The following SERPINB9 variants were observed in gnomAD, a reference collection of about 807,000 sequenced individuals.
SERPINB9 encodes serpin family B member 9.
In SERPINB9, 20 loss-of-function variants were observed where a neutral mutation model predicts 27.2. The ratio of observed to expected loss-of-function variants is 0.74; its 90% confidence interval spans 0.52 to 1.07. The LOEUF (loss-of-function observed/expected upper bound fraction) is 1.07. Ranked by LOEUF, SERPINB9 falls within the 50% of genes least tolerant of loss-of-function variation. The pLI is 0.00. For missense variants in SERPINB9, 476 were observed against 460.1 expected, an observed-to-expected ratio of 1.03 and a Z score of -0.32; for synonymous variants, 189 against 180.0, an observed-to-expected ratio of 1.05 and a Z score of -0.40.
chr6:2,895,485 T>A lies in SERPINB9; in HGVS notation c.330A>T (p.Gln110His), dbSNP rs1236015556. ...FLSTFKESCLQFYHAELKELS... is the reference protein window; with the variant it reads ...FLSTFKESCLHFYHAELKELS... ...GCTCCTTCAGCTCAGCATGGTAGAA[T>A]TGAAGACAGGATTCCTTAAACGTCT... Residue 110 changes from glutamine to histidine, a missense_variant, in exon 4 of 7, where the codon CAA becomes CAT. Physicochemically the swap from Gln to His is conservative, Grantham distance 24. Transcript: ENST00000380698. The A allele has an allele frequency of 1.9e-6, 3 of 1,613,450 alleles. No homozygotes were observed. The African/African-American group carries it at 4.0e-5, about 22-fold the overall frequency.
chr6:2,896,211 A>T, intron 2 of SERPINB9, 21 bp from the exon 3 acceptor site: 1 of 1,610,354 alleles, frequency 6.2e-7, no homozygotes, highest in Non-Finnish European at 8.5e-7. Context: ...AGATAATTTT[A>T]AAAGTTATCA....
chr6:2,898,493 T>C (rs1354851896), intron 2 of SERPINB9, among the ~76,000 whole-genome samples: 1 of 152,180 alleles, frequency 6.6e-6, no homozygotes, highest in African/African-American at 2.4e-5. Context: ...AGATACCATA[T>C]AATCACCAAA....
In SERPINB9 at chr6:2,897,509, CAT is replaced by C. The variant is rs774983405; in HGVS notation, c.169-1321_169-1320del. Among the ~76,000 whole-genome samples the C allele has an allele frequency of 2.3e-4, 35 of 152,064 alleles. 1 individual carries two copies. Among genetic ancestry groups the C allele is most frequent in the Non-Finnish European group, 4.4e-4 (30 of 68,018 alleles). On this transcript the variant is annotated intron_variant, in intron 2 of 6. Transcript: ENST00000380698. ...CAAATTCTTCTAAATAAGTATATGA[CAT>C]ATGATTTAGAAAATAATCAAAATAT... is the stretch of plus-strand genomic sequence containing the variant.
chr6:2,894,888 G>A lies in SERPINB9; in HGVS notation c.424+503C>T, dbSNP rs1215975699. Among the ~76,000 whole-genome samples, 1 of 151,428 alleles carries A rather than the reference G, an allele frequency of 6.6e-6. No individual in the cohort carries two copies. Among genetic ancestry groups the A allele is most frequent in the East Asian group, 1.9e-4 (1 of 5,164 alleles). On this transcript the variant is annotated intron_variant, in intron 4 of 6. Coordinates refer to ENST00000380698, the MANE Select transcript of SERPINB9 (RefSeq NM_004155.6). The surrounding 1 kb of genome is among the most constrained non-coding windows in gnomAD (Gnocchi z 4.7). ...GCCTCCCAAGCAGCTGGGATTACAG[G>A]CATGGGCCACCACACCTGGCTAATT...
At position 2,898,567 on chromosome 6, in the gene SERPINB9, C is replaced by T. The variant is rs557197066; in HGVS notation, c.168+1877G>A. Among the ~76,000 whole-genome samples, 7 of 152,342 alleles carry T rather than the reference C, an allele frequency of 4.6e-5. No homozygotes were observed. In the East Asian group the frequency reaches 1.2e-3, roughly 25 times the overall value. ...GCGCAGTGGCTCACGCCTGTAATCC[C>T]AGCACTTTGGGAGGCCAAGGCGGGT... On this transcript the variant is annotated intron_variant, in intron 2 of 6. Transcript: ENST00000380698.
intron 3 of SERPINB9, 107 bp from the exon 4 acceptor site, chr6:2,895,615 T>A (rs995486053): frequency 1.4e-6 from 1 of 727,406 alleles, no homozygotes; most frequent in African/African-American, 1.8e-5. Flanking sequence ...AGAATATACA[T>A]AACTCTTTAA....
chr6:2,900,582 A>G lies in SERPINB9; in HGVS notation c.30T>C (p.Thr10=). ...GTATCTTTAAAAGGCGTATGGCAAA[A>G]GTACCACTTGCATTAGAAAGAGTTT... The part of the protein sequence containing the change: METLSNASG[T]FAIRLLKILC... The change falls in exon 2 of 7, where the codon ACT becomes ACC. Residue 10 remains threonine (T), a synonymous_variant. Coordinates refer to ENST00000380698, the MANE Select transcript of SERPINB9 (RefSeq NM_004155.6). 1 of 1,614,186 alleles carries G rather than the reference A, an allele frequency of 6.2e-7. No homozygotes were observed. Among genetic ancestry groups the G allele is most frequent in the African/African-American group, 1.3e-5 (1 of 75,040 alleles).
chr6:2,900,531 G>A lies in SERPINB9; in HGVS notation c.81C>T (p.Asn27=), dbSNP rs374613334. The A allele has an allele frequency of 1.1e-5, 18 of 1,614,014 alleles. No homozygotes were observed. The highest frequency in any genetic ancestry group is 2.2e-5 in the East Asian group (1 of 44,890). The change falls in exon 2 of 7, where the codon AAC becomes AAT. Residue 27 remains asparagine (N), a synonymous_variant. Transcript: ENST00000380698. The part of the protein sequence containing the change: ...KILCQDNPSH[N]VFCSPVSISS... ...AGATGCTCACAGGAGAACAGAACAC[G>A]TTGTGCGAAGGGTTATCTTGACACA...
intron 5 of SERPINB9, among the ~76,000 whole-genome samples, chr6:2,893,108 C>A (rs1180262397): frequency 1.1e-5 from 1 of 92,946 alleles, no homozygotes; most frequent in Non-Finnish European, 2.1e-5. Context: ...ATAGGAAGAT[C>A]TTTAGTTTCC....
At chr6:2,901,578 G>A (rs185084912) in intron 1 of SERPINB9, among the ~76,000 whole-genome samples, 7 of 152,306 alleles carry the variant, frequency 4.6e-5, no homozygotes, top group South Asian at 2.1e-4. Flanking sequence ...AAGTGTGAAT[G>A]TGAGGGGGTG....
Position 2,895,499 on chromosome 6 carries a change from C to G in SERPINB9, c.316G>C (p.Glu106Gln). The change falls in exon 4 of 7, where the codon GAA (glutamate) becomes CAA (glutamine). Residue 106 changes from glutamate to glutamine, a missense_variant. Glu to Gln is a conservative substitution (Grantham distance 29). Transcript: ENST00000380698. ...GCATGGTAGAATTGAAGACAGGATT[C>G]CTTAAACGTCTTTGGAGAGAAAAAT... ...KTCQFLSTFK[E>Q]SCLQFYHAEL... The G allele has an allele frequency of 1.9e-6, 3 of 1,611,164 alleles. No homozygotes were observed. Among genetic ancestry groups the G allele is most frequent in the Non-Finnish European group, 2.5e-6 (3 of 1,178,160 alleles).
chr6:2,890,480 AT>A lies in SERPINB9; in HGVS notation c.813del (p.Lys271AsnfsTer52). On this transcript the variant is annotated frameshift_variant, in exon 7 of 7. Coordinates refer to ENST00000380698, the MANE Select transcript of SERPINB9 (RefSeq NM_004155.6). LOFTEE classifies it low-confidence loss of function (END_TRUNC). The surrounding 1 kb of genome is among the most constrained non-coding windows in gnomAD (Gnocchi z 6.2). ...KSTEVEVLLP[K>X]FKLQEDYDME... ...ATGTCATAATCCTCTTGTAGTTTAA[AT>A]TTTGGAAGGAGAACTTCAACCTCAG... 6.2e-7 allele frequency: 1 copy of A among 1,614,170 alleles called. No homozygotes were observed. The highest frequency in any genetic ancestry group is 8.5e-7 in the Non-Finnish European group (1 of 1,180,026).
At chr6:2,897,137 A>C (rs1768028343) in intron 2 of SERPINB9, among the ~76,000 whole-genome samples, 1 of 150,908 alleles carries the variant, frequency 6.6e-6, no homozygotes, top group Non-Finnish European at 1.5e-5. Flanking sequence ...AAAAAAAAAA[A>C]AACACAAAAA....
rs761869912 is a variant in SERPINB9, at chr6:2,890,278, G to C, written c.1016C>G (p.Ala339Gly). 2 of 1,614,204 alleles carry C rather than the reference G, an allele frequency of 1.2e-6. No individual in the cohort carries two copies. Among genetic ancestry groups the C allele is most frequent in the Non-Finnish European group, 1.7e-6 (2 of 1,180,028 alleles). The change falls in exon 7 of 7, where the codon GCA becomes GGA. Residue 339 changes from alanine (A) to glycine (G), a missense_variant. By Grantham distance (60) the Ala-to-Gly change is moderately conservative. Coordinates refer to ENST00000380698, the MANE Select transcript of SERPINB9 (RefSeq NM_004155.6). This position sits in a 1 kb window ranked among gnomAD's most constrained non-coding sequence, Gnocchi z 6.2. ...GGGGCCAGATTCCATGCAGCACTCT[G>C]CAACTACAAAGCAGCTCGACGCTGC... ...AAAASSCFVV[A>G]ECCMESGPRF... is the part of the protein sequence containing the mutation.
In SERPINB9 at chr6:2,891,118, A is replaced by C. The variant is rs1767786920; in HGVS notation, c.724-548T>G. Reference sequence around the variant, plus strand: ...GAGGGAGAGCCAATGGCTGCTGCGCACACAGACCTCTTAAGTCATGGGGTC... The same window carrying C: ...GAGGGAGAGCCAATGGCTGCTGCGCCCACAGACCTCTTAAGTCATGGGGTC... On this transcript the variant is annotated intron_variant, in intron 6 of 6. Coordinates refer to ENST00000380698, the MANE Select transcript of SERPINB9 (RefSeq NM_004155.6). This position sits in a 1 kb window ranked among gnomAD's most constrained non-coding sequence, Gnocchi z 4.0. Among the ~76,000 whole-genome samples the C allele has an allele frequency of 1.3e-5, 2 of 152,296 alleles. No homozygotes were observed. The highest frequency in any genetic ancestry group is 1.3e-4 in the Admixed American group (2 of 15,296).
rs1286963802 is a variant in SERPINB9, at chr6:2,903,059, C to G, written c.-11+142G>C. On this transcript the variant is annotated intron_variant, in intron 1 of 6. Transcript: ENST00000380698. This position sits in a 1 kb window ranked among gnomAD's most constrained non-coding sequence, Gnocchi z 5.2. ...CACCCCCCAGAGACCGTTGCTGACC[C>G]CACCGAGAAGGCACCGCCTCCCCGG... is the stretch of plus-strand genomic sequence containing the variant. 2.0e-5 allele frequency: 3 copies of G among 152,358 alleles called. No homozygotes were observed. Among genetic ancestry groups the G allele is most frequent in the Non-Finnish European group, 2.9e-5 (2 of 68,180 alleles). The allele number at this position is 152,358 out of a possible 1,614,324, so 9.4% of individuals were successfully genotyped here. A position where few individuals can be genotyped will look rare whatever the true frequency, so the allele number is the denominator to read the frequency against.
At chr6:2,900,022 C>T in intron 2 of SERPINB9, 1 of 440,544 alleles carries the variant, frequency 2.3e-6, no homozygotes, top group Non-Finnish European at 4.5e-6. Context: ...TTGATGCCCT[C>T]CCTGAGCTGT....
Position 2,891,610 on chromosome 6 carries a change from T to C in SERPINB9, c.723+223A>G, listed in dbSNP as rs1253595889. Among the ~76,000 whole-genome samples the C allele has an allele frequency of 6.6e-6, 1 of 152,166 alleles. No homozygotes were observed. The highest frequency in any genetic ancestry group is 1.5e-5 in the Non-Finnish European group (1 of 68,026). On this transcript the variant is annotated intron_variant, in intron 6 of 6. Coordinates refer to ENST00000380698, the MANE Select transcript of SERPINB9 (RefSeq NM_004155.6). This position sits in a 1 kb window ranked among gnomAD's most constrained non-coding sequence, Gnocchi z 4.0. ...CATTTTAACCGCCGCCCACTCCTTCTAGCGATGAAAAAACAGAGGACTGAG... is the reference window on the plus strand; with the variant it reads ...CATTTTAACCGCCGCCCACTCCTTCCAGCGATGAAAAAACAGAGGACTGAG...
chr6:2,889,794 C>T lies in SERPINB9; in HGVS notation c.*369G>A, dbSNP rs574331125. 2 of 184,316 alleles carry T rather than the reference C, an allele frequency of 1.1e-5. No homozygotes were observed. Among genetic ancestry groups the T allele is most frequent in the Non-Finnish European group, 2.3e-5 (2 of 88,122 alleles). The allele number at this position is 184,316 out of a possible 1,614,324, so 11.4% of individuals were successfully genotyped here. A position where few individuals can be genotyped will look rare whatever the true frequency, so the allele number is the denominator to read the frequency against. ...GAAATCTATAAAATAGTAGCAATAT[C>T]TAGCACCATTTATTACCACTGAGGC... On this transcript the variant is annotated 3_prime_UTR_variant, in exon 7 of 7. Coordinates refer to ENST00000380698, the MANE Select transcript of SERPINB9 (RefSeq NM_004155.6).
Sources: allele counts gnomAD v4.1 joint callset (sites outside exome capture counted in the v4.1 genomes callset), GRCh38; gene constraint gnomAD v4.1.1; non-coding constraint Gnocchi (gnomAD v3.1); transcripts MANE v1.5; gene names NCBI Gene and HGNC (gene_info 2026-07-23, HGNC 2026-07-21).